ZFPM2: variants seen among roughly 807,000 people sequenced by gnomAD.
ZFPM2 encodes zinc finger protein ZFPM2.
In ZFPM2, 20 loss-of-function variants were observed where a neutral mutation model predicts 98.6. That is an observed-to-expected ratio of 0.20 (90% CI 0.14 to 0.29). The LOEUF (loss-of-function observed/expected upper bound fraction) is 0.29, where lower values mean the gene tolerates loss of function less well. Ranked by LOEUF, ZFPM2 falls within the 10% of genes least tolerant of loss-of-function variation. The probability of loss-of-function intolerance (pLI) is 1.00; values close to 1 mark genes in which losing one functional copy is unlikely to be tolerated. For synonymous variants in ZFPM2, 518 were observed against 502.7 expected, an observed-to-expected ratio of 1.03 and a Z score of -0.41; for missense variants, 1,310 against 1,388.6, an observed-to-expected ratio of 0.94 and a Z score of 0.90.
At chr8:105,345,417 G>T (rs1258431614) in intron 1 of ZFPM2, among the ~76,000 whole-genome samples, 38 of 130,328 alleles carry the variant, frequency 2.9e-4, no homozygotes. Flanking sequence ...TAGCTTATTC[G>T]TGATGTTCTT....
rs572018021 is a variant in ZFPM2, at chr8:105,647,641, C to G, written c.532+13284C>G. On this transcript the variant is annotated intron_variant, in intron 5 of 7. Transcript: ENST00000407775. Reference sequence around the variant, plus strand: ...GAACATGTGGTGTTCAGTTTTTTGTCTTTGCGATAGTTTGCTGAGAATGAT... The same window carrying G: ...GAACATGTGGTGTTCAGTTTTTTGTGTTTGCGATAGTTTGCTGAGAATGAT... 4.1e-4 allele frequency among the ~76,000 whole-genome samples: 61 copies of G among 150,498 alleles called. 2 individuals carry two copies. The South Asian group carries it at 0.011, about 27-fold the overall frequency.
chr8:105,594,024 C>A (rs1815911481), intron 4 of ZFPM2, among the ~76,000 whole-genome samples: 1 of 152,088 alleles, frequency 6.6e-6, no homozygotes, highest in Admixed American at 6.6e-5. Context: ...AAACCGCTCT[C>A]ATATTTCACT....
chr8:105,431,324 AAT>A lies in ZFPM2; in HGVS notation c.199+12023_199+12024del, dbSNP rs1812016312. Among the ~76,000 whole-genome samples the A allele has an allele frequency of 2.0e-5, 3 of 152,332 alleles. No individual in the cohort carries two copies. The South Asian group carries it at 6.2e-4, about 32-fold the overall frequency. ...TATGGAGGGTTTACAGATTATATAA[AAT>A]GCATAGCTTTTATTTGCTTTGCTTG... On this transcript the variant is annotated intron_variant, in intron 2 of 7. Coordinates refer to ENST00000407775, the MANE Select transcript of ZFPM2 (RefSeq NM_012082.4).
chr8:105,489,448 T>TATATATATATATATATATATATATA lies in ZFPM2; in HGVS notation c.301+45067_301+45068insATATATATATATATATATATATATA, dbSNP rs1489973438. On this transcript the variant is annotated intron_variant, in intron 3 of 7. Transcript: ENST00000407775. ...TATATATATTTATAGATATATGTTT[T>TATATATATATATATATATATATATA]TATATATATATATATATATTTTTTT... is the stretch of plus-strand genomic sequence containing the variant. 8.3e-5 allele frequency among the ~76,000 whole-genome samples: 9 copies of TATATATATATATATATATATATATA among 108,810 alleles called. 1 individual carries two copies. Among genetic ancestry groups the TATATATATATATATATATATATATA allele is most frequent in the African/African-American group, 3.5e-4 (9 of 26,014 alleles). The allele number at this position is 108,810 out of a possible 152,430, so 71.4% of individuals were successfully genotyped here.
chr8:105,745,087 C>T (rs552430681), intron 5 of ZFPM2, among the ~76,000 whole-genome samples: 3 of 152,234 alleles, frequency 2.0e-5, no homozygotes, highest in Non-Finnish European at 4.4e-5. Flanking sequence ...TTTACCCCAT[C>T]TCAGCTCTGT....
intron 6 of ZFPM2, chr8:105,797,994 G>T (rs1431630961): frequency 1.3e-5 from 2 of 152,116 alleles, no homozygotes; most frequent in African/African-American, 4.8e-5. Context: ...ACAGAGTTGG[G>T]CACATAGTAG....
At chr8:105,509,479 G>GA (rs1813770525) in intron 3 of ZFPM2, among the ~76,000 whole-genome samples, 1 of 152,092 alleles carries the variant, frequency 6.6e-6, no homozygotes, top group African/African-American at 2.4e-5. Context: ...TGCTCGTAAT[G>GA]TTTTTTTGCA....
intron 5 of ZFPM2, among the ~76,000 whole-genome samples, chr8:105,710,487 C>T (rs1297982141): frequency 1.3e-5 from 2 of 152,054 alleles, no homozygotes; most frequent in Non-Finnish European, 2.9e-5. Flanking sequence ...CTTTTATGTG[C>T]ATACGACATG....
At chr8:105,369,262 C>T (rs1195820721) in intron 1 of ZFPM2, among the ~76,000 whole-genome samples, 1 of 152,022 alleles carries the variant, frequency 6.6e-6, no homozygotes, top group African/African-American at 2.4e-5. Flanking sequence ...GACAATTATC[C>T]TGACGTGAAT....
At chr8:105,626,420 G>C (rs866785537) in intron 4 of ZFPM2, among the ~76,000 whole-genome samples, 1 of 152,156 alleles carries the variant, frequency 6.6e-6, no homozygotes, top group South Asian at 2.1e-4. Flanking sequence ...AATTTGAATT[G>C]AATTCCAGGG....
chr8:105,623,599 C>A (rs1255739414), intron 4 of ZFPM2, among the ~76,000 whole-genome samples: 1 of 152,170 alleles, frequency 6.6e-6, no homozygotes, highest in African/African-American at 2.4e-5. Context: ...CTGAGAGATT[C>A]ATTACATATT....
At chr8:105,371,361 T>A (rs1457741856) in intron 1 of ZFPM2, among the ~76,000 whole-genome samples, 1 of 152,198 alleles carries the variant, frequency 6.6e-6, no homozygotes, top group Admixed American at 6.5e-5. Flanking sequence ...AGGAGGTAGA[T>A]CTGTACACTT....
chr8:105,405,871 G>T (rs1811442301), intron 1 of ZFPM2, among the ~76,000 whole-genome samples: 1 of 152,122 alleles, frequency 6.6e-6, no homozygotes, highest in Non-Finnish European at 1.5e-5. Context: ...TTCCACAATG[G>T]TTGAACTAGT....
Position 105,430,305 on chromosome 8 carries a change from T to G in ZFPM2, c.199+11003T>G, listed in dbSNP as rs776260281. 1.4e-4 allele frequency among the ~76,000 whole-genome samples: 22 copies of G among 152,258 alleles called. No individual in the cohort carries two copies. In the Middle Eastern group the frequency reaches 0.017, roughly 118 times the overall value. On this transcript the variant is annotated intron_variant, in intron 2 of 7. Transcript: ENST00000407775. ...CCCCACCAAGCCTGAATCAACCCCTTTTAGTACCTGTAAGTGTTAGTGGTC... is the reference window on the plus strand; with the variant it reads ...CCCCACCAAGCCTGAATCAACCCCTGTTAGTACCTGTAAGTGTTAGTGGTC...
chr8:105,650,385 G>C (rs929218738), intron 5 of ZFPM2, among the ~76,000 whole-genome samples: 15 of 151,954 alleles, frequency 9.9e-5, no homozygotes, highest in Admixed American at 9.8e-4. Context: ...CTTCAGTTCT[G>C]CTCTGATCTT....
intron 1 of ZFPM2, among the ~76,000 whole-genome samples, chr8:105,386,475 GGTGTGTCTGGAGTTT>G (rs1461999442): frequency 6.6e-6 from 1 of 152,068 alleles, no homozygotes; most frequent in Non-Finnish European, 1.5e-5. Context: ...CTCTTAAGGT[GGTGTGTCTGGAGTTT>G]GTTCCTTCTG....
intron 7 of ZFPM2, 126 bp from the exon 8 acceptor site, chr8:105,800,921 A>T: frequency 1.1e-6 from 1 of 874,132 alleles, no homozygotes; most frequent in South Asian, 1.7e-5. Flanking sequence ...AGTTAATATC[A>T]CGAATGAAAT....
chr8:105,732,498 A>T (rs939727135), intron 5 of ZFPM2, among the ~76,000 whole-genome samples: 1 of 151,794 alleles, frequency 6.6e-6, no homozygotes, highest in Non-Finnish European at 1.5e-5. Flanking sequence ...TCCACATGCG[A>T]ACATTCAAAT....
At chr8:105,601,730 A>T (rs12681534) in intron 4 of ZFPM2, among the ~76,000 whole-genome samples, 31,008 of 152,026 alleles carry the variant, frequency 0.2, 3,199 homozygotes, top group South Asian at 0.26. Flanking sequence ...ACAGTTGATG[A>T]TGGTGCCTGC....
Sources: allele counts gnomAD v4.1 joint callset (sites outside exome capture counted in the v4.1 genomes callset), GRCh38; gene constraint gnomAD v4.1.1; transcripts MANE v1.5; gene names NCBI Gene and HGNC (gene_info 2026-07-23, HGNC 2026-07-21).